The following TAF1A variants were observed in gnomAD, a reference collection of about 807,000 sequenced individuals.
TAF1A encodes the protein TATA box-binding protein-associated factor RNA polymerase I subunit A.
Under a neutral mutation model 61.6 loss-of-function variants are expected in TAF1A, and 42 were observed. The observed-to-expected ratio is 0.68, with a 90% CI of 0.53 to 0.88. The LOEUF (loss-of-function observed/expected upper bound fraction) is 0.88, where lower values mean the gene tolerates loss of function less well. Ranked by LOEUF, TAF1A falls within the 40% of genes least tolerant of loss-of-function variation. The probability of loss-of-function intolerance (pLI) is 0.00; values close to 1 mark genes in which losing one functional copy is unlikely to be tolerated. For missense variants in TAF1A, 424 were observed against 518.7 expected, an observed-to-expected ratio of 0.82 and a Z score of 1.77; for synonymous variants, 179 against 177.7, an observed-to-expected ratio of 1.01 and a Z score of -0.06.
chr1:222,567,303 C>T (rs1165994806), intron 7 of TAF1A, among the ~76,000 whole-genome samples: 1 of 138,026 alleles, frequency 7.2e-6, no homozygotes, highest in Admixed American at 8.0e-5. Context: ...GAGGAGCAGG[C>T]AATGAGGAGT....
At chr1:222,565,277 G>A (rs988448882) in intron 7 of TAF1A, among the ~76,000 whole-genome samples, 26 of 152,272 alleles carry the variant, frequency 1.7e-4, no homozygotes, top group African/African-American at 4.8e-4. Context: ...TTGTATGCTC[G>A]TTTCTGCACC....
In TAF1A at chr1:222,589,893, T is replaced by C. The variant is rs3008651; in HGVS notation, c.-169A>G. The C allele has an allele frequency of 2.5e-6, 1 of 396,626 alleles. No homozygotes were observed. The highest frequency in any genetic ancestry group is 4.4e-6 in the Non-Finnish European group (1 of 225,436). The allele number at this position is 396,626 out of a possible 1,614,324, so 24.6% of individuals were successfully genotyped here. A position where few individuals can be genotyped will look rare whatever the true frequency, so the allele number is the denominator to read the frequency against. Reference sequence around the variant, plus strand: ...CGGCCCGGCTCGTAACTCCTCCTGCTGCAGCAGGCGTATCGTTGGCCTCGC... The same window carrying C: ...CGGCCCGGCTCGTAACTCCTCCTGCCGCAGCAGGCGTATCGTTGGCCTCGC... On this transcript the variant is annotated 5_prime_UTR_variant, in exon 1 of 11. Coordinates refer to ENST00000352967, the MANE Select transcript of TAF1A (RefSeq NM_005681.4).
intron 7 of TAF1A, among the ~76,000 whole-genome samples, chr1:222,565,804 G>A (rs1324810004): frequency 3.9e-5 from 6 of 152,154 alleles, no homozygotes; most frequent in African/African-American, 1.4e-4. Context: ...GGAGGCTACA[G>A]GGAGCCTCAC....
intron 4 of TAF1A, 135 bp from the exon 5 acceptor site, chr1:222,577,778 G>A (rs1660633800): frequency 1.4e-6 from 1 of 728,008 alleles, no homozygotes; most frequent in Non-Finnish European, 2.3e-6. Flanking sequence ...AAATTTTGAT[G>A]TTGGGTACAA....
intron 10 of TAF1A, among the ~76,000 whole-genome samples, chr1:222,560,567 C>G (rs1316001345): frequency 6.6e-6 from 1 of 152,190 alleles, no homozygotes; most frequent in Non-Finnish European, 1.5e-5. Flanking sequence ...ATCCAAATCA[C>G]CTTTCTGTTC....
At chr1:222,582,331 A>G (rs1280033135) in intron 3 of TAF1A, among the ~76,000 whole-genome samples, 1 of 152,228 alleles carries the variant, frequency 6.6e-6, no homozygotes, top group Admixed American at 6.5e-5. Context: ...ATGATCTGAT[A>G]TGTTTTAAAA....
chr1:222,580,935 G>A (rs768514250), intron 3 of TAF1A, among the ~76,000 whole-genome samples: 63 of 152,160 alleles, frequency 4.1e-4, no homozygotes, highest in Non-Finnish European at 7.9e-4. Flanking sequence ...GGTGGATCAC[G>A]AGGTCAGGAG....
At chr1:222,572,404 A>C (rs1660396171) in intron 5 of TAF1A, among the ~76,000 whole-genome samples, 1 of 152,046 alleles carries the variant, frequency 6.6e-6, no homozygotes, top group Non-Finnish European at 1.5e-5. Flanking sequence ...CCCAGGCTGG[A>C]CTGCAGTGGC....
intron 2 of TAF1A, among the ~76,000 whole-genome samples, chr1:222,584,630 A>G (rs1660939713): frequency 6.6e-6 from 1 of 152,200 alleles, no homozygotes; most frequent in Admixed American, 6.5e-5. Context: ...CCAGGTATTT[A>G]GAATGGGTAA....
intron 5 of TAF1A, among the ~76,000 whole-genome samples, chr1:222,575,825 T>C (rs1366205856): frequency 2.0e-5 from 3 of 152,216 alleles, no homozygotes; most frequent in Non-Finnish European, 4.4e-5. Context: ...GGAAAGGTAC[T>C]GAACCATCTA....
intron 4 of TAF1A, among the ~76,000 whole-genome samples, chr1:222,579,473 A>C (rs1005849412): frequency 2.0e-5 from 3 of 152,248 alleles, no homozygotes; most frequent in African/African-American, 7.2e-5. Context: ...CAAACATTTT[A>C]GAATCTGGCC....
Position 222,579,868 on chromosome 1 carries a change from A to G in TAF1A, c.296T>C (p.Ile99Thr), listed in dbSNP as rs1407918633. 6.2e-7 allele frequency: 1 copy of G among 1,602,952 alleles called. No individual in the cohort carries two copies. The highest frequency in any genetic ancestry group is 8.5e-7 in the Non-Finnish European group (1 of 1,177,016). The change falls in exon 4 of 11, where the codon ATT (isoleucine) becomes ACT (threonine). Residue 99 changes from isoleucine to threonine, a missense_variant. Transcript: ENST00000352967. ...SYKRQAAPEI[I>T]WKLGSEILFY... is the part of the protein sequence containing the mutation. ...TAGAATTTCACTTCCGAGCTTCCAA[A>G]TAATCTGTCAAAGCAGAAATTACTG... is the stretch of plus-strand genomic sequence containing the variant.
chr1:222,584,321 GTTT>G, intron 2 of TAF1A, 24 bp from the exon 3 acceptor site: 1 of 1,563,090 alleles, frequency 6.4e-7, no homozygotes, highest in South Asian at 1.2e-5. Flanking sequence ...AAAGAAGAGA[GTTT>G]TTATCCAAGT....
chr1:222,578,455 A>G (rs1410404613), intron 4 of TAF1A, among the ~76,000 whole-genome samples: 1 of 152,210 alleles, frequency 6.6e-6, no homozygotes, highest in Non-Finnish European at 1.5e-5. Context: ...TTCCCTGGGT[A>G]TGGCACACAG....
intron 4 of TAF1A, among the ~76,000 whole-genome samples, chr1:222,578,177 G>A (rs1317220275): frequency 2.0e-5 from 3 of 152,174 alleles, no homozygotes; most frequent in Non-Finnish European, 4.4e-5. Flanking sequence ...GGAGAGGAAA[G>A]TGTATCCCTG....
downstream of TAF1A, among the ~76,000 whole-genome samples, chr1:222,556,412 A>C (rs1245040834): frequency 2.6e-5 from 4 of 152,198 alleles, no homozygotes; most frequent in East Asian, 7.7e-4. Context: ...TACAGATACT[A>C]CATGAGAGTG....
chr1:222,579,075 A>G (rs1660685833), intron 4 of TAF1A, among the ~76,000 whole-genome samples: 2 of 152,182 alleles, frequency 1.3e-5, no homozygotes, highest in Non-Finnish European at 2.9e-5. Context: ...CCCATTTCCA[A>G]TTGTTTAGTT....
intron 4 of TAF1A, among the ~76,000 whole-genome samples, chr1:222,578,182 T>C (rs1571819971): frequency 6.6e-6 from 1 of 152,240 alleles, no homozygotes; most frequent in East Asian, 1.9e-4. Context: ...GGAAAGTGTA[T>C]CCCTGATACA....
At chr1:222,588,071 C>A in intron 2 of TAF1A, among the ~76,000 whole-genome samples, 1 of 151,832 alleles carries the variant, frequency 6.6e-6, no homozygotes, top group Non-Finnish European at 1.5e-5. Flanking sequence ...ATCTATTACA[C>A]GATCAATTCT....
Sources: allele counts gnomAD v4.1 joint callset (sites outside exome capture counted in the v4.1 genomes callset), GRCh38; gene constraint gnomAD v4.1.1; transcripts MANE v1.5; gene names NCBI Gene and HGNC (gene_info 2026-07-23, HGNC 2026-07-21).